EVPLL: variants seen among roughly 807,000 people sequenced by gnomAD.
EVPLL encodes the protein envoplakin like.
A neutral mutation model predicts 46.2 loss-of-function variants in EVPLL; 39 were observed. The ratio of observed to expected loss-of-function variants is 0.84; its 90% CI spans 0.65 to 1.10. The LOEUF is 1.10. Among genes scored for constraint, EVPLL ranks in the 50% least tolerant of loss-of-function variants. The pLI is 0.00. For missense variants in EVPLL, 385 were observed against 412.6 expected, an observed-to-expected ratio of 0.93 and a Z score of 0.58; for synonymous variants, 156 against 165.8, an observed-to-expected ratio of 0.94 and a Z score of 0.46.
chr17:18,381,245 G>T lies in EVPLL; in HGVS notation c.64-122G>T, dbSNP rs891135356. On this transcript the variant is annotated intron_variant, in intron 2 of 10. Transcript: ENST00000399134. This position sits in a 1 kb window ranked among gnomAD's most constrained non-coding sequence, Gnocchi z 4.2. ...CCCTGGGCCTGACCCTGTGCCTGGC[G>T]TGGGCCTCGAGGTTGGCCAGCATAG... 1 of 1,425,308 alleles carries T rather than the reference G, an allele frequency of 7.0e-7. No individual in the cohort carries two copies. The highest frequency in any genetic ancestry group is 2.5e-5 in the East Asian group (1 of 40,042). The allele number at this position is 1,425,308 out of a possible 1,614,324, so 88.3% of individuals were successfully genotyped here. A position where few individuals can be genotyped will look rare whatever the true frequency, so the allele number is the denominator to read the frequency against.
intron 9 of EVPLL, chr17:18,388,008 G>GTC (rs926460398): frequency 4.3e-4 from 52 of 121,882 alleles, no homozygotes; most frequent in Non-Finnish European, 6.1e-4. Flanking sequence ...GCAAGACCCT[G>GTC]TCTCTCTCTC....
Position 18,380,870 on chromosome 17 carries a change from C to T in EVPLL, c.-36-32C>T, listed in dbSNP as rs116637662. ...TGGGGCACAGAGGGGCCTCTTCCAC[C>T]GAGCTGCCCACTGTCCCCTCCACCC... is the stretch of plus-strand genomic sequence containing the variant. On this transcript the variant is annotated intron_variant, in intron 1 of 10. Coordinates refer to ENST00000399134, the MANE Select transcript of EVPLL (RefSeq NM_001145127.2). 461 of 1,534,692 alleles carry T rather than the reference C, an allele frequency of 3.0e-4. No homozygotes were observed. In the African/African-American group the frequency reaches 5.1e-3, roughly 17 times the overall value.
At chr17:18,382,440 G>T in intron 4 of EVPLL, 73 bp from the exon 5 acceptor site, 1 of 1,537,252 alleles carries the variant, frequency 6.5e-7, no homozygotes. Flanking sequence ...CACTTCTCCG[G>T]GTGGGAGACG....
In EVPLL at chr17:18,381,706, G is replaced by C. The variant is rs1305391250; in HGVS notation, c.322G>C (p.Gly108Arg). The C allele has an allele frequency of 1.2e-6, 2 of 1,614,184 alleles. No individual in the cohort carries two copies. The highest frequency in any genetic ancestry group is 3.3e-5 in the Admixed American group (2 of 60,020). ...PPRRGIQGRL[G>R]TRAGAETEAG... ...CCGACGTGGGATCCAAGGTCGACTGGGCACACGTGCTGGAGCAGAAACAGG... is the reference window on the plus strand; with the variant it reads ...CCGACGTGGGATCCAAGGTCGACTGCGCACACGTGCTGGAGCAGAAACAGG... The change falls in exon 4 of 11, where the codon GGC becomes CGC. Residue 108 changes from glycine (G) to arginine (R), a missense_variant. Physicochemically the swap from Gly to Arg is moderately radical, Grantham distance 125. Transcript: ENST00000399134. This position sits in a 1 kb window ranked among gnomAD's most constrained non-coding sequence, Gnocchi z 4.2.
rs145935525 is a variant in EVPLL at position 18,381,685 on chromosome 17, C to G, written c.301C>G (p.Arg101Gly). 11 of 1,614,164 alleles carry G rather than the reference C, an allele frequency of 6.8e-6. No individual in the cohort carries two copies. The highest frequency in any genetic ancestry group is 9.3e-6 in the Non-Finnish European group (11 of 1,180,042). ...CGAGAAGATGGTGCTGCCGCCCCGA[C>G]GTGGGATCCAAGGTCGACTGGGCAC... Reference protein sequence around the residue: ...LYEKMVLPPRRGIQGRLGTRA... With the variant: ...LYEKMVLPPRGGIQGRLGTRA... The change falls in exon 4 of 11, where the codon CGT becomes GGT. Residue 101 changes from arginine (R) to glycine (G), a missense_variant. By Grantham distance (125) the Arg-to-Gly change is moderately radical. Transcript: ENST00000399134. This position sits in a 1 kb window ranked among gnomAD's most constrained non-coding sequence, Gnocchi z 4.2.
Position 18,381,284 on chromosome 17 carries a change from G to T in EVPLL, c.64-83G>T. Reference sequence around the variant, plus strand: ...TGGCCAGCATAGCTGGGGTCCCAAAGGTGGGGCTCAGGCCCACAATGATGG... The same window carrying T: ...TGGCCAGCATAGCTGGGGTCCCAAATGTGGGGCTCAGGCCCACAATGATGG... On this transcript the variant is annotated intron_variant, in intron 2 of 10. Coordinates refer to ENST00000399134, the MANE Select transcript of EVPLL (RefSeq NM_001145127.2). This position sits in a 1 kb window ranked among gnomAD's most constrained non-coding sequence, Gnocchi z 4.2. The T allele has an allele frequency of 1.4e-6, 2 of 1,466,986 alleles. No individual in the cohort carries two copies. The highest frequency in any genetic ancestry group is 2.4e-5 in the Admixed American group (1 of 40,926). The allele number at this position is 1,466,986 out of a possible 1,614,324, so 90.9% of individuals were successfully genotyped here. A position where few individuals can be genotyped will look rare whatever the true frequency, so the allele number is the denominator to read the frequency against.
chr17:18,377,798 C>T lies in EVPLL; in HGVS notation c.-222C>T. On this transcript the variant is annotated 5_prime_UTR_variant, in exon 1 of 11. Coordinates refer to ENST00000399134, the MANE Select transcript of EVPLL (RefSeq NM_001145127.2). ...ACCTTGCCAGACTTAGCTGACCAGC[C>T]AGCAAGGACGCCCGCTGCCTCCCAC... The T allele has an allele frequency of 1.7e-6, 1 of 587,668 alleles. No individual in the cohort carries two copies. Among genetic ancestry groups the T allele is most frequent in the Non-Finnish European group, 3.0e-6 (1 of 338,356 alleles). The allele number at this position is 587,668 out of a possible 1,614,324, so 36.4% of individuals were successfully genotyped here.
rs1275660472 is a variant in EVPLL at position 18,381,871 on chromosome 17, G to C, written c.346+141G>C. ...GGGCAGGGAGACAGCAGAGGAGACA[G>C]TGCAGTCAGGGAAGACTTCCTGTAG... On this transcript the variant is annotated intron_variant, in intron 4 of 10. Transcript: ENST00000399134. The surrounding 1 kb of genome is among the most constrained non-coding windows in gnomAD (Gnocchi z 4.2). 3 of 1,351,000 alleles carry C rather than the reference G, an allele frequency of 2.2e-6. No homozygotes were observed. Among genetic ancestry groups the C allele is most frequent in the Non-Finnish European group, 3.0e-6 (3 of 984,846 alleles). 83.7% of individuals were successfully genotyped at this position (1,351,000 alleles called of 1,614,324 possible). A position where few individuals can be genotyped will look rare whatever the true frequency, so the allele number is the denominator to read the frequency against.
At position 18,383,620 on chromosome 17, in the gene EVPLL, C is replaced by A. The variant is rs1473225326; in HGVS notation, c.876+33C>A. On this transcript the variant is annotated intron_variant, in intron 9 of 10. Transcript: ENST00000399134. Reference sequence around the variant, plus strand: ...CTCGGGCAGCGGCAGGGCGGCAGGGCGGCAGGGCGGGAGGTCCCACAGCAC... The same window carrying A: ...CTCGGGCAGCGGCAGGGCGGCAGGGAGGCAGGGCGGGAGGTCCCACAGCAC... 7 of 893,174 alleles carry A rather than the reference C, an allele frequency of 7.8e-6. No individual in the cohort carries two copies. The Admixed American group carries it at 9.1e-5, about 12-fold the overall frequency. 55.3% of individuals were successfully genotyped at this position (893,174 alleles called of 1,614,324 possible).
At chr17:18,380,864 T>G (rs527347766) in intron 1 of EVPLL, 38 bp from the exon 2 acceptor site, 1 of 1,528,788 alleles carries the variant, frequency 6.5e-7, no homozygotes, top group East Asian at 2.5e-5. Context: ...GAGGGGCCTC[T>G]TCCACCGAGC....
Position 18,383,009 on chromosome 17 carries a change from C to A in EVPLL, c.512-16C>A. 6.4e-7 allele frequency: 1 copy of A among 1,556,954 alleles called. No individual in the cohort carries two copies. The highest frequency in any genetic ancestry group is 1.2e-5 in the South Asian group (1 of 85,186). On this transcript the variant is annotated splice_polypyrimidine_tract_variant and intron_variant, in intron 6 of 10. Coordinates refer to ENST00000399134, the MANE Select transcript of EVPLL (RefSeq NM_001145127.2). ...TCTCTCCCCACCCTGCTGCTGGCGG[C>A]GGGTCCTGAGCACAGAGGGCGGCGT...
At chr17:18,380,857 G>A in intron 1 of EVPLL, 45 bp from the exon 2 acceptor site, 1 of 1,502,640 alleles carries the variant, frequency 6.7e-7, no homozygotes, top group Non-Finnish European at 9.1e-7. Flanking sequence ...GGGCACAGAG[G>A]GGCCTCTTCC....
chr17:18,381,210 C>A lies in EVPLL; in HGVS notation c.64-157C>A. The stretch of plus-strand genomic sequence containing the variant: ...GCTCCCCTGTGTCTTTGTCACCTGC[C>A]TCATGGACGCCCTGGGCCTGACCCT... On this transcript the variant is annotated intron_variant, in intron 2 of 10. Coordinates refer to ENST00000399134, the MANE Select transcript of EVPLL (RefSeq NM_001145127.2). This position sits in a 1 kb window ranked among gnomAD's most constrained non-coding sequence, Gnocchi z 4.2. The A allele has an allele frequency of 7.6e-7, 1 of 1,316,654 alleles. No individual in the cohort carries two copies. Among genetic ancestry groups the A allele is most frequent in the Non-Finnish European group, 1.0e-6 (1 of 979,104 alleles). 81.6% of individuals were successfully genotyped at this position (1,316,654 alleles called of 1,614,324 possible).
At position 18,387,495 on chromosome 17, in the gene EVPLL, C is replaced by T. The variant is rs183568602; in HGVS notation, c.877-724C>T. Among the ~76,000 whole-genome samples the T allele has an allele frequency of 6.9e-3, 928 of 134,576 alleles. 6 individuals are homozygous for T. Among genetic ancestry groups the T allele is most frequent in the African/African-American group, 0.025 (894 of 35,210 alleles). 88.3% of individuals were successfully genotyped at this position (134,576 alleles called of 152,430 possible). On this transcript the variant is annotated intron_variant, in intron 9 of 10. Transcript: ENST00000399134. ...ACCTGGTAGTAAGCATCTTGGGCTT[C>T]GTGGACCCTGTGGTCTTTGTTGCAC...
At chr17:18,380,359 GC>G in intron 1 of EVPLL, 2 of 153,736 alleles carry the variant, frequency 1.3e-5, no homozygotes, top group Non-Finnish European at 2.9e-5. Context: ...TCTTGCGCCT[GC>G]CCCCGCTCCC....
intron 9 of EVPLL, among the ~76,000 whole-genome samples, chr17:18,385,949 A>G (rs1440433411): frequency 3.3e-5 from 5 of 152,212 alleles, no homozygotes; most frequent in Non-Finnish European, 2.9e-5. Context: ...TTTGGGAGGT[A>G]TAGACAGGAA....
chr17:18,386,894 AT>A (rs60131387), intron 9 of EVPLL, among the ~76,000 whole-genome samples: 9,628 of 127,034 alleles, frequency 0.076, 293 homozygotes, highest in Non-Finnish European at 0.091. Context: ...TTTTTGGTTA[AT>A]TTTTTTTTTT....
chr17:18,378,356 G>T (rs1275662954), intron 1 of EVPLL, among the ~76,000 whole-genome samples: 1 of 152,146 alleles, frequency 6.6e-6, no homozygotes, highest in Non-Finnish European at 1.5e-5. Context: ...CTGCCCCAAG[G>T]CTCTACTTGG....
At chr17:18,386,193 G>A (rs1987758945) in intron 9 of EVPLL, among the ~76,000 whole-genome samples, 1 of 152,138 alleles carries the variant, frequency 6.6e-6, no homozygotes, top group Non-Finnish European at 1.5e-5. Context: ...CGTGTAGGTG[G>A]CCTTCCCGGT....
Sources: allele counts gnomAD v4.1 joint callset (sites outside exome capture counted in the v4.1 genomes callset), GRCh38; gene constraint gnomAD v4.1.1; non-coding constraint Gnocchi (gnomAD v3.1); transcripts MANE v1.5; gene names NCBI Gene and HGNC (gene_info 2026-07-23, HGNC 2026-07-21).